Variants in DNM2 observed in about 807,000 individuals in gnomAD.
The protein encoded by DNM2 is dynamin-2.
DNM2 carries 15 observed loss-of-function variants against 99.0 expected under a neutral mutation model. That is an observed-to-expected ratio of 0.15 (90% CI 0.10 to 0.23). DNM2 has a LOEUF of 0.23. DNM2 is among the 10% of genes least tolerant of loss of function. DNM2 has a pLI of 1.00. For synonymous variants in DNM2, 525 were observed against 481.2 expected (o/e 1.09, Z -1.19); for missense variants, 742 against 1,189.4 (o/e 0.62, Z 5.53).
chr19:10,805,867 C>T, intron 12 of DNM2, 49 bp from the exon 13 acceptor site: 2 of 1,600,862 alleles, frequency 1.2e-6, no homozygotes, highest in South Asian at 1.1e-5. Context: ...TCCCCTTCTT[C>T]CCCCCCGGCA....
intron 3 of DNM2, among the ~76,000 whole-genome samples, chr19:10,774,579 A>C (rs1183629125): frequency 6.6e-6 from 1 of 151,866 alleles, no homozygotes; most frequent in East Asian, 1.9e-4. Flanking sequence ...GGCATGCGCC[A>C]CCTCACCCGG....
chr19:10,807,690 A>G (rs2072396874), intron 13 of DNM2, among the ~76,000 whole-genome samples: 2 of 148,196 alleles, frequency 1.3e-5, no homozygotes, highest in African/African-American at 2.5e-5. Flanking sequence ...CGACGATTAC[A>G]GGAGCCTGCC....
chr19:10,806,670 G>A (rs1685204180), intron 13 of DNM2, among the ~76,000 whole-genome samples: 1 of 152,124 alleles, frequency 6.6e-6, no homozygotes, highest in Non-Finnish European at 1.5e-5. Context: ...GCACGCGCCT[G>A]TAATCCCAGC....
chr19:10,807,804 C>T (rs540372872), intron 13 of DNM2, among the ~76,000 whole-genome samples: 5 of 151,298 alleles, frequency 3.3e-5, no homozygotes, highest in South Asian at 4.2e-4. Context: ...CCGCCTCGCC[C>T]GGACAAAGTG....
chr19:10,722,211 A>G (rs1054618363), intron 1 of DNM2, among the ~76,000 whole-genome samples: 1 of 152,112 alleles, frequency 6.6e-6, no homozygotes, highest in Non-Finnish European at 1.5e-5. Flanking sequence ...TCACTGTCCC[A>G]TCAGACTAAG....
rs2146163722 is a variant in DNM2, at chr19:10,820,873, A to G, written c.1781+784A>G. Among the ~76,000 whole-genome samples, 1 of 152,358 alleles carries G rather than the reference A, an allele frequency of 6.6e-6. No individual in the cohort carries two copies. The highest frequency in any genetic ancestry group is 2.1e-4 in the South Asian group (1 of 4,834). On this transcript the variant is annotated intron_variant, in intron 16 of 20. Coordinates refer to ENST00000389253, the MANE Select transcript of DNM2 (RefSeq NM_001005361.3). The surrounding 1 kb of genome is among the most constrained non-coding windows in gnomAD (Gnocchi z 4.3). Reference sequence around the variant, plus strand: ...GAATGGGAGGCCCCAGGAAGCTCACAGTACATCTGTCCCATGAGGCGTAGC... The same window carrying G: ...GAATGGGAGGCCCCAGGAAGCTCACGGTACATCTGTCCCATGAGGCGTAGC...
intron 1 of DNM2, among the ~76,000 whole-genome samples, chr19:10,719,365 T>C (rs181020964): frequency 1.5e-4 from 23 of 152,198 alleles, no homozygotes; most frequent in Admixed American, 1.3e-3. Flanking sequence ...GGGGCCCGCC[T>C]CCCAGCTACA....
chr19:10,746,759 C>A, intron 1 of DNM2, among the ~76,000 whole-genome samples: 1 of 119,608 alleles, frequency 8.4e-6, no homozygotes, highest in Non-Finnish European at 1.6e-5. Flanking sequence ...GAGACAGTCT[C>A]ACTCTGTTGC....
In DNM2 at chr19:10,772,722, CAT is replaced by C. The variant is rs1397300827; in HGVS notation, c.385+95_385+96del. The C allele has an allele frequency of 3.5e-5, 55 of 1,560,630 alleles. No individual in the cohort carries two copies. Among genetic ancestry groups the C allele is most frequent in the Non-Finnish European group, 4.6e-5 (53 of 1,145,512 alleles). ...CCTGTGTACTTCCACTCATGGGTAT[CAT>C]GTGCCCATTCACAAACAGTTGATAT... On this transcript the variant is annotated intron_variant, in intron 3 of 20. Transcript: ENST00000389253. This position sits in a 1 kb window ranked among gnomAD's most constrained non-coding sequence, Gnocchi z 4.9.
chr19:10,749,865 A>G (rs2070132209), intron 1 of DNM2, among the ~76,000 whole-genome samples: 1 of 152,204 alleles, frequency 6.6e-6, no homozygotes, highest in Non-Finnish European at 1.5e-5. Flanking sequence ...GCAAGCCATC[A>G]CACCTGCCCA....
At chr19:10,822,916 C>T (rs1365144745) in intron 16 of DNM2, among the ~76,000 whole-genome samples, 1 of 151,648 alleles carries the variant, frequency 6.6e-6, no homozygotes, top group Non-Finnish European at 1.5e-5. Flanking sequence ...ATCATCCTGG[C>T]GAACACGGTG....
chr19:10,801,633 G>A (rs1400919657), intron 11 of DNM2, among the ~76,000 whole-genome samples: 7 of 144,882 alleles, frequency 4.8e-5, no homozygotes, highest in Non-Finnish European at 7.5e-5. Flanking sequence ...AAAGCCAGGC[G>A]CAGTGGCTCA....
chr19:10,780,881 G>A (rs1416311246), intron 5 of DNM2, among the ~76,000 whole-genome samples: 2 of 152,128 alleles, frequency 1.3e-5, no homozygotes, highest in East Asian at 3.9e-4. Flanking sequence ...AGCTGGGTGT[G>A]TTGGTGCATG....
At chr19:10,798,675 T>C in intron 11 of DNM2, 103 bp downstream of exon 11, 1 of 1,282,780 alleles carries the variant, frequency 7.8e-7, no homozygotes, top group Non-Finnish European at 1.1e-6. Context: ...AAGTAACCCT[T>C]ACCTCAATCA....
chr19:10,829,772 C>T (rs948133792), intron 19 of DNM2, among the ~76,000 whole-genome samples: 3 of 152,132 alleles, frequency 2.0e-5, no homozygotes, highest in South Asian at 2.1e-4. Context: ...CGCACCCAGG[C>T]CTGCAGGTGG....
chr19:10,732,299 GA>G (rs1161253585), intron 1 of DNM2, among the ~76,000 whole-genome samples: 958 of 91,018 alleles, frequency 0.011, 3 homozygotes, highest in Middle Eastern at 0.019. Context: ...TCGTTGTGGA[GA>G]AAAAAAAAAA....
chr19:10,782,916 G>C, intron 5 of DNM2, 44 bp from the exon 6 acceptor site: 2 of 1,613,458 alleles, frequency 1.2e-6, no homozygotes, highest in East Asian at 2.2e-5. Context: ...AGGTCCACTT[G>C]GCTCACCTAG....
chr19:10,775,587 C>T lies in DNM2; in HGVS notation c.386-116C>T. 1 of 1,131,042 alleles carries T rather than the reference C, an allele frequency of 8.8e-7. No individual in the cohort carries two copies. The highest frequency in any genetic ancestry group is 1.3e-6 in the Non-Finnish European group (1 of 746,620). The allele number at this position is 1,131,042 out of a possible 1,614,324, so 70.1% of individuals were successfully genotyped here. A position where few individuals can be genotyped will look rare whatever the true frequency, so the allele number is the denominator to read the frequency against. On this transcript the variant is annotated intron_variant, in intron 3 of 20. Coordinates refer to ENST00000389253, the MANE Select transcript of DNM2 (RefSeq NM_001005361.3). The surrounding 1 kb of genome is among the most constrained non-coding windows in gnomAD (Gnocchi z 4.3). ...GTGGTTCAGGCAGAGTGTCAGGCGA[C>T]ATCCTCAAGTCTGAGCCCCGCGCAG...
chr19:10,799,825 C>T (rs536274268), intron 11 of DNM2, among the ~76,000 whole-genome samples: 60 of 151,870 alleles, frequency 4.0e-4, no homozygotes, highest in African/African-American at 1.4e-3. Context: ...TGAGCTACCA[C>T]GCCCAGCCTG....
Sources: gnomAD v4.1 joint callset for allele counts (sites outside exome capture counted in the v4.1 genomes callset) on GRCh38, gnomAD v4.1.1 for gene constraint, Gnocchi (gnomAD v3.1) non-coding constraint, MANE v1.5 for transcripts, NCBI Gene and HGNC (gene_info 2026-07-23, HGNC 2026-07-21) for gene names.